MGMT: variants seen among roughly 807,000 people sequenced by gnomAD.
The protein encoded by MGMT is O-6-methylguanine-DNA methyltransferase.
Under a neutral mutation model 15.9 loss-of-function variants are expected in MGMT, and 14 were observed. The observed-to-expected ratio is 0.88, with a 90% CI of 0.58 to 1.37. The LOEUF (loss-of-function observed/expected upper bound fraction) is 1.37, where lower values mean the gene tolerates loss of function less well. MGMT is among the 40% of genes most tolerant of loss of function. The probability of loss-of-function intolerance (pLI) is 0.00; values close to 1 mark genes in which losing one functional copy is unlikely to be tolerated. For synonymous variants in MGMT, 130 were observed against 118.2 expected (o/e 1.10, Z -0.65); for missense variants, 282 against 268.1 (o/e 1.05, Z -0.36).
intron 2 of MGMT, among the ~76,000 whole-genome samples, chr10:129,647,874 G>A (rs1311720495): frequency 6.6e-6 from 1 of 152,134 alleles, no homozygotes. Context: ...TGACAAAAAT[G>A]TTCTTTTACA....
chr10:129,726,752 G>GT (rs1848439057), intron 3 of MGMT, among the ~76,000 whole-genome samples: 3 of 152,100 alleles, frequency 2.0e-5, no homozygotes, highest in Admixed American at 2.0e-4. Flanking sequence ...TCCATAATAT[G>GT]GTCATGGAGT....
At chr10:129,740,323 C>T (rs1848616850) in intron 3 of MGMT, among the ~76,000 whole-genome samples, 1 of 152,068 alleles carries the variant, frequency 6.6e-6, no homozygotes, top group African/African-American at 2.4e-5. Context: ...GTTTTTAAAG[C>T]CTGAGAGAGG....
At chr10:129,527,676 C>T (rs903293030) in intron 1 of MGMT, among the ~76,000 whole-genome samples, 2 of 152,182 alleles carry the variant, frequency 1.3e-5, no homozygotes, top group Non-Finnish European at 1.5e-5. Flanking sequence ...CACCCTGTCT[C>T]TGGTGGTTGT....
chr10:129,657,709 ACACACACACACACACACACC>A lies in MGMT; in HGVS notation c.126-50184_126-50165del, dbSNP rs1564750876. ...CACACACACACACACACACACACGC[ACACACACACACACACACACC>A]CCCTCTCCCCCAAGGACCCACAAGG... On this transcript the variant is annotated intron_variant, in intron 2 of 4. Coordinates refer to ENST00000651593, the MANE Select transcript of MGMT (RefSeq NM_002412.5). 1.1e-3 allele frequency among the ~76,000 whole-genome samples: 166 copies of A among 145,142 alleles called. 2 individuals carry two copies. The highest frequency in any genetic ancestry group is 1.7e-3 in the Admixed American group (25 of 14,472).
intron 2 of MGMT, among the ~76,000 whole-genome samples, chr10:129,669,477 C>G (rs1847697300): frequency 6.6e-6 from 1 of 152,150 alleles, no homozygotes; most frequent in African/African-American, 2.4e-5. Context: ...GATCAACCCA[C>G]AGACATACAA....
intron 2 of MGMT, among the ~76,000 whole-genome samples, chr10:129,583,848 G>A (rs571103454): frequency 5.9e-5 from 9 of 151,968 alleles, no homozygotes; most frequent in East Asian, 5.8e-4. Flanking sequence ...CTTGACTTTC[G>A]TTTTGTTTTT....
chr10:129,644,557 C>T (rs909139152), intron 2 of MGMT, among the ~76,000 whole-genome samples: 2 of 152,164 alleles, frequency 1.3e-5, no homozygotes, highest in African/African-American at 4.8e-5. Flanking sequence ...CTTGGGTTCC[C>T]CCCCTGAGGC....
intron 2 of MGMT, among the ~76,000 whole-genome samples, chr10:129,635,427 C>T (rs1295439063): frequency 6.6e-6 from 1 of 152,202 alleles, no homozygotes; most frequent in African/African-American, 2.4e-5. Flanking sequence ...TCAGGGCAGT[C>T]GCAGCCTTTT....
At chr10:129,571,926 T>G (rs1846424450) in intron 2 of MGMT, among the ~76,000 whole-genome samples, 1 of 152,234 alleles carries the variant, frequency 6.6e-6, no homozygotes, top group Admixed American at 6.5e-5. Context: ...GCGGGCTCCC[T>G]GTTTTGGATT....
At chr10:129,635,381 G>A (rs1847253590) in intron 2 of MGMT, among the ~76,000 whole-genome samples, 1 of 152,212 alleles carries the variant, frequency 6.6e-6, no homozygotes, top group Non-Finnish European at 1.5e-5. Flanking sequence ...AGCTGGCCAG[G>A]CCCTTCCTGT....
At chr10:129,505,713 T>C (rs1845618198) in intron 1 of MGMT, among the ~76,000 whole-genome samples, 1 of 152,246 alleles carries the variant, frequency 6.6e-6, no homozygotes, top group Admixed American at 6.5e-5. Context: ...TAGACAGCTT[T>C]TGTAAAGTTT....
At chr10:129,510,711 TAAATG>T (rs1845672249) in intron 1 of MGMT, among the ~76,000 whole-genome samples, 1 of 152,008 alleles carries the variant, frequency 6.6e-6, no homozygotes, top group South Asian at 2.1e-4. Flanking sequence ...GGCAGGAAAA[TAAATG>T]AAACCAGTAT....
intron 1 of MGMT, among the ~76,000 whole-genome samples, chr10:129,493,437 A>G (rs1845489525): frequency 6.6e-6 from 1 of 152,142 alleles, no homozygotes; most frequent in East Asian, 1.9e-4. Flanking sequence ...CCTGCTTACT[A>G]GAGAGGCCAT....
At position 129,531,474 on chromosome 10, in the gene MGMT, T is replaced by C. The variant is rs143734373; in HGVS notation, c.-12-4767T>C. 8.2e-3 allele frequency among the ~76,000 whole-genome samples: 1,246 copies of C among 152,130 alleles called. 17 individuals carry two copies. The highest frequency in any genetic ancestry group is 0.029 in the African/African-American group (1,197 of 41,502). ...GTCCCTCCTGGTGTCCGTGATGCCC[T>C]CATTTAGTCTGCAGGCATCCCCCCA... On this transcript the variant is annotated intron_variant, in intron 1 of 4. Transcript: ENST00000651593.
chr10:129,477,128 G>T (rs1372212582), intron 1 of MGMT, among the ~76,000 whole-genome samples: 2 of 152,112 alleles, frequency 1.3e-5, no homozygotes, highest in African/African-American at 4.8e-5. Context: ...AGCAGCCTCT[G>T]CTCTATCCTC....
At chr10:129,569,583 C>T (rs989589859) in intron 2 of MGMT, among the ~76,000 whole-genome samples, 9 of 152,154 alleles carry the variant, frequency 5.9e-5, no homozygotes, top group African/African-American at 2.2e-4. Context: ...CTTACCCGGG[C>T]CTGACTTGGG....
chr10:129,475,609 C>T (rs1479535492), intron 1 of MGMT, among the ~76,000 whole-genome samples: 3 of 152,134 alleles, frequency 2.0e-5, no homozygotes, highest in South Asian at 2.1e-4. Context: ...ATTAAGCTGT[C>T]GAGTCAGATG....
intron 3 of MGMT, among the ~76,000 whole-genome samples, chr10:129,757,503 G>A (rs188393583): frequency 7.5e-4 from 115 of 152,326 alleles, no homozygotes; most frequent in Non-Finnish European, 1.2e-3. Flanking sequence ...TGTGTTCGCC[G>A]AGGAAGGCAG....
intron 1 of MGMT, among the ~76,000 whole-genome samples, chr10:129,500,981 C>T (rs1439614442): frequency 6.6e-6 from 1 of 152,204 alleles, no homozygotes; most frequent in Non-Finnish European, 1.5e-5. Context: ...TACAGAGCTT[C>T]AGAGTTGTAC....
Sources: gnomAD v4.1 joint callset for allele counts (sites outside exome capture counted in the v4.1 genomes callset) on GRCh38, gnomAD v4.1.1 for gene constraint, MANE v1.5 for transcripts, NCBI Gene and HGNC (gene_info 2026-07-23, HGNC 2026-07-21) for gene names.